Variants in CABLES1 observed in about 807,000 individuals in gnomAD.
CABLES1 encodes the protein CDK5 and ABL1 enzyme substrate 1.
Under a neutral mutation model 57.8 loss-of-function variants are expected in CABLES1, and 36 were observed. The observed-to-expected ratio is 0.62, with a 90% CI of 0.48 to 0.82. The LOEUF (loss-of-function observed/expected upper bound fraction) is 0.82, where lower values mean the gene tolerates loss of function less well. Among genes scored for constraint, CABLES1 ranks in the 40% least tolerant of loss-of-function variants. The pLI, the probability that CABLES1 is intolerant of heterozygous loss-of-function variation, is 0.00. For synonymous variants in CABLES1, 374 were observed against 363.0 expected (o/e 1.03, Z -0.35); for missense variants, 767 against 836.6 (o/e 0.92, Z 1.03).
intron 3 of CABLES1, among the ~76,000 whole-genome samples, chr18:23,210,646 T>A (rs898529521): frequency 6.6e-6 from 1 of 152,188 alleles, no homozygotes; most frequent in African/African-American, 2.4e-5. Context: ...GTTCAAGGTT[T>A]CCCAGTGTAA....
intron 1 of CABLES1, among the ~76,000 whole-genome samples, chr18:23,145,158 A>G (rs1170600993): frequency 6.6e-6 from 1 of 152,042 alleles, no homozygotes; most frequent in Non-Finnish European, 1.5e-5. Context: ...GCTGGTCTCA[A>G]ACTCCTGAAC....
Position 23,156,034 on chromosome 18 carries a change from T to C in CABLES1, c.845+19427T>C, listed in dbSNP as rs369199121. 82 of 1,471,708 alleles carry C rather than the reference T, an allele frequency of 5.6e-5. 3 individuals are homozygous for C. In the African/African-American group the frequency reaches 6.5e-4, roughly 12 times the overall value. The allele number at this position is 1,471,708 out of a possible 1,614,324, so 91.2% of individuals were successfully genotyped here. On this transcript the variant is annotated intron_variant, in intron 1 of 9. Coordinates refer to ENST00000256925, the MANE Select transcript of CABLES1 (RefSeq NM_001100619.3). The stretch of plus-strand genomic sequence containing the variant: ...TCCCCCCTTTGGATGCTGACGGTCT[T>C]TGTTGGAAATTGATCTCTGAGGCTC...
At chr18:23,203,353 C>G (rs535894867) in intron 3 of CABLES1, among the ~76,000 whole-genome samples, 6 of 151,982 alleles carry the variant, frequency 3.9e-5, no homozygotes, top group Admixed American at 2.0e-4. Flanking sequence ...CTATCTCCTC[C>G]CTTGGGAGGA....
At chr18:23,214,608 G>GTCCGTCCTTGCAAAGCC (rs1408078068) in intron 4 of CABLES1, 1 of 152,342 alleles carries the variant, frequency 6.6e-6, no homozygotes, top group Non-Finnish European at 1.5e-5. Flanking sequence ...GTACCTGAGG[G>GTCCGTCCTTGCAAAGCC]TCCGTCCTTG....
At position 23,258,659 on chromosome 18, in the gene CABLES1, G is replaced by C. The variant is rs986833642; in HGVS notation, c.*1292G>C. ...AACTCTTGTTGCTTTTTGTATACCT[G>C]TATGCGTTTGTGTAGACGTGTGTCT... On this transcript the variant is annotated 3_prime_UTR_variant, in exon 10 of 10. Transcript: ENST00000256925. The C allele has an allele frequency of 6.6e-6, 1 of 152,242 alleles. No homozygotes were observed. The highest frequency in any genetic ancestry group is 1.5e-5 in the Non-Finnish European group (1 of 68,066). The allele number at this position is 152,242 out of a possible 1,614,324, so 9.4% of individuals were successfully genotyped here.
chr18:23,234,682 T>G lies in CABLES1; in HGVS notation c.1163T>G (p.Val388Gly), dbSNP rs1433261675. Residue 388 changes from valine (V) to glycine (G), a missense_variant, in exon 5 of 10, where the codon GTG (valine) becomes GGG (glycine). Physicochemically the swap from Val to Gly is moderately radical, Grantham distance 109. Coordinates refer to ENST00000256925, the MANE Select transcript of CABLES1 (RefSeq NM_001100619.3). ...AAAGAGATCATTGGTCTGGAAGGTG[T>G]GGAGCTGGGTGCTGATGGGAAGGTA... ...SLKEIIGLEG[V>G]ELGADGKTVS... The G allele has an allele frequency of 1.2e-6, 2 of 1,613,574 alleles. No homozygotes were observed. Among genetic ancestry groups the G allele is most frequent in the African/African-American group, 2.7e-5 (2 of 74,982 alleles).
At chr18:23,242,697 A>G (rs1025497339) in intron 7 of CABLES1, among the ~76,000 whole-genome samples, 2 of 150,478 alleles carry the variant, frequency 1.3e-5, no homozygotes, top group East Asian at 4.0e-4. Context: ...CACATCAAAA[A>G]GAAAACCGAC....
At chr18:23,160,427 C>G (rs1056588149) in intron 1 of CABLES1, among the ~76,000 whole-genome samples, 1 of 152,240 alleles carries the variant, frequency 6.6e-6, no homozygotes, top group South Asian at 2.1e-4. Flanking sequence ...CTGCAAGGCT[C>G]TGCCCTGCAG....
intron 3 of CABLES1, among the ~76,000 whole-genome samples, chr18:23,196,183 G>A (rs891006796): frequency 4.6e-5 from 7 of 152,194 alleles, no homozygotes; most frequent in Admixed American, 6.5e-5. Flanking sequence ...AGCAAAGCCC[G>A]CAATTGCTGG....
chr18:23,245,230 G>C (rs1196678444), intron 7 of CABLES1, among the ~76,000 whole-genome samples: 1 of 152,160 alleles, frequency 6.6e-6, no homozygotes, highest in Non-Finnish European at 1.5e-5. Context: ...AGGATGGGCC[G>C]GGCGTAGTGC....
intron 1 of CABLES1, among the ~76,000 whole-genome samples, chr18:23,164,309 G>A (rs773264646): frequency 3.3e-5 from 5 of 152,188 alleles, no homozygotes; most frequent in Non-Finnish European, 5.9e-5. Flanking sequence ...AATCTTGGTT[G>A]GTCCCTCCTC....
At chr18:23,157,034 C>T (rs979281792) in intron 1 of CABLES1, among the ~76,000 whole-genome samples, 2 of 152,166 alleles carry the variant, frequency 1.3e-5, no homozygotes, top group Non-Finnish European at 2.9e-5. Context: ...TTTGTACACA[C>T]TCATGTCAGC....
At chr18:23,164,973 A>T (rs781547950) in intron 1 of CABLES1, among the ~76,000 whole-genome samples, 27 of 152,064 alleles carry the variant, frequency 1.8e-4, no homozygotes, top group Non-Finnish European at 2.9e-5. Context: ...GGGTTTTACC[A>T]TGCTGGCCAG....
chr18:23,135,956 C>T lies in CABLES1; in HGVS notation c.194C>T (p.Ala65Val). ...PRMDPRRRQAALSFLTNISLD... is the reference protein window; with the variant it reads ...PRMDPRRRQAVLSFLTNISLD... ...ATGGACCCGCGGCGCCGCCAGGCTG[C>T]CCTCTCCTTCCTCACCAACATCTCG... Residue 65 changes from alanine to valine, a missense_variant, in exon 1 of 10, where the codon GCC becomes GTC. By Grantham distance (64) the Ala-to-Val change is moderately conservative. Coordinates refer to ENST00000256925, the MANE Select transcript of CABLES1 (RefSeq NM_001100619.3). The T allele has an allele frequency of 2.6e-6, 3 of 1,136,118 alleles. No individual in the cohort carries two copies. Among genetic ancestry groups the T allele is most frequent in the Admixed American group, 4.3e-5 (1 of 23,228 alleles). 70.4% of individuals were successfully genotyped at this position (1,136,118 alleles called of 1,614,324 possible).
chr18:23,138,004 C>T (rs2046834429), intron 1 of CABLES1, among the ~76,000 whole-genome samples: 1 of 152,190 alleles, frequency 6.6e-6, no homozygotes, highest in Non-Finnish European at 1.5e-5. Flanking sequence ...CCTGCAAACT[C>T]AGCGTTTCTG....
At chr18:23,200,278 T>C (rs1368028317) in intron 3 of CABLES1, among the ~76,000 whole-genome samples, 5 of 151,540 alleles carry the variant, frequency 3.3e-5, no homozygotes, top group African/African-American at 1.2e-4. Flanking sequence ...TTTTTTTTTT[T>C]AGATGGAGTC....
intron 1 of CABLES1, among the ~76,000 whole-genome samples, chr18:23,181,555 A>G (rs1237882438): frequency 6.6e-6 from 1 of 150,508 alleles, no homozygotes; most frequent in Non-Finnish European, 1.5e-5. Flanking sequence ...GTGTATAGAA[A>G]AGCATTGAAT....
rs1478854897 is a variant in CABLES1, at chr18:23,258,505, T to G, written c.*1138T>G. 6.6e-6 allele frequency: 1 copy of G among 152,170 alleles called. No homozygotes were observed. Among genetic ancestry groups the G allele is most frequent in the Non-Finnish European group, 1.5e-5 (1 of 68,032 alleles). 9.4% of individuals were successfully genotyped at this position (152,170 alleles called of 1,614,324 possible). On this transcript the variant is annotated 3_prime_UTR_variant, in exon 10 of 10. Coordinates refer to ENST00000256925, the MANE Select transcript of CABLES1 (RefSeq NM_001100619.3). ...TTCATGCAAGATTTTAATGGTGACT[T>G]GTCCTGGCTTACTGGGACAGTCTGT...
chr18:23,140,810 T>C (rs2046853487), intron 1 of CABLES1, among the ~76,000 whole-genome samples: 1 of 152,080 alleles, frequency 6.6e-6, no homozygotes. Context: ...GCCTTGTGGG[T>C]TTGTGGTACG....
Sources: gnomAD v4.1 joint callset for allele counts (sites outside exome capture counted in the v4.1 genomes callset) on GRCh38, gnomAD v4.1.1 for gene constraint, MANE v1.5 for transcripts, NCBI Gene and HGNC (gene_info 2026-07-23, HGNC 2026-07-21) for gene names.